The following IQGAP2 variants were observed in gnomAD, a reference collection of about 807,000 sequenced individuals.
IQGAP2 encodes the protein IQ motif containing GTPase activating protein 2.
In IQGAP2, 173 loss-of-function variants were observed where a neutral mutation model predicts 201.3. The ratio of observed to expected loss-of-function variants is 0.86; its 90% CI spans 0.76 to 0.98. The LOEUF is 0.98. IQGAP2 is among the 50% of genes least tolerant of loss of function. IQGAP2 has a pLI of 0.00. For synonymous variants in IQGAP2, 675 were observed against 673.9 expected (o/e 1.00, Z -0.03); for missense variants, 1,687 against 1,864.8 (o/e 0.90, Z 1.76).
In IQGAP2 at chr5:76,570,536, G is replaced by A. The variant is rs1361087060; in HGVS notation, c.304-44G>A. 14 of 1,344,894 alleles carry A rather than the reference G, an allele frequency of 1.0e-5. No individual in the cohort carries two copies. The Middle Eastern group carries it at 5.4e-4, about 52-fold the overall frequency. 83.3% of individuals were successfully genotyped at this position (1,344,894 alleles called of 1,614,324 possible). On this transcript the variant is annotated intron_variant, in intron 3 of 35. Coordinates refer to ENST00000274364, the MANE Select transcript of IQGAP2 (RefSeq NM_006633.5). Reference sequence around the variant, plus strand: ...AGTTATTGCAAATGACTCACTTTTTGTGTGGTTCCTTCTCTCCCTTTTTCC... The same window carrying A: ...AGTTATTGCAAATGACTCACTTTTTATGTGGTTCCTTCTCTCCCTTTTTCC...
At chr5:76,550,803 T>G (rs896521501) in intron 2 of IQGAP2, among the ~76,000 whole-genome samples, 1 of 152,166 alleles carries the variant, frequency 6.6e-6, no homozygotes, top group African/African-American at 2.4e-5. Context: ...TCCCCACATT[T>G]CCCCCTTTTC....
intron 1 of IQGAP2, among the ~76,000 whole-genome samples, chr5:76,437,514 T>G (rs1430459745): frequency 2.0e-5 from 3 of 152,194 alleles, no homozygotes; most frequent in Non-Finnish European, 4.4e-5. Context: ...CTATTTATCC[T>G]GATAAATAGC....
chr5:76,617,502 G>C, intron 13 of IQGAP2: 2 of 1,035,708 alleles, frequency 1.9e-6, no homozygotes, highest in South Asian at 3.2e-5. Context: ...CGGAAATGGA[G>C]CTCCTTGCAC....
rs76827257 is a variant in IQGAP2, at chr5:76,643,278, T to C, written c.2094+2175T>C. Among the ~76,000 whole-genome samples, 422 of 152,296 alleles carry C rather than the reference T, an allele frequency of 2.8e-3. 1 individual carries two copies. The highest frequency in any genetic ancestry group is 9.7e-3 in the African/African-American group (403 of 41,570). On this transcript the variant is annotated intron_variant, in intron 17 of 35. Coordinates refer to ENST00000274364, the MANE Select transcript of IQGAP2 (RefSeq NM_006633.5). ...GAAGAGAAATAATGATGTTATAGAA[T>C]GTAAATGAATTTATAACTGCAGAAT...
rs377569601 is a variant in IQGAP2 at position 76,654,240 on chromosome 5, A to G, written c.2219A>G (p.Tyr740Cys). Residue 740 changes from tyrosine (Y) to cysteine (C), a missense_variant, in exon 19 of 36, where the codon TAT becomes TGT. Transcript: ENST00000274364. ...WFRMATARKS[Y>C]LSRLQYFRDH... ...CGAATGGCAACTGCAAGAAAGAGCT[A>G]TCTTTCAAGACTACAGTATTTCAGA... The G allele has an allele frequency of 4.3e-6, 7 of 1,611,004 alleles. No individual in the cohort carries two copies. Among genetic ancestry groups the G allele is most frequent in the Non-Finnish European group, 5.9e-6 (7 of 1,178,402 alleles).
In IQGAP2 at chr5:76,683,228, G is replaced by A; in HGVS notation, c.3763+11G>A. ...TGGAATCTTTTCTTGGTAAGAGCTTGTTCCTTCTACTTATCCCTTGGTTTT... is the reference window on the plus strand; with the variant it reads ...TGGAATCTTTTCTTGGTAAGAGCTTATTCCTTCTACTTATCCCTTGGTTTT... On this transcript the variant is annotated intron_variant, in intron 29 of 35. Coordinates refer to ENST00000274364, the MANE Select transcript of IQGAP2 (RefSeq NM_006633.5). The A allele has an allele frequency of 6.3e-7, 1 of 1,593,200 alleles. No homozygotes were observed. Among genetic ancestry groups the A allele is most frequent in the Non-Finnish European group, 8.6e-7 (1 of 1,165,238 alleles).
At chr5:76,496,758 TTTCTTTCTTTC>T (rs1561416502) in intron 2 of IQGAP2, among the ~76,000 whole-genome samples, 11 of 69,982 alleles carry the variant, frequency 1.6e-4, no homozygotes, top group African/African-American at 4.0e-4. Flanking sequence ...TCTTTCTTTC[TTTCTTTCTTTC>T]TTTCTTTCTT....
chr5:76,471,011 A>C (rs1290053174), intron 2 of IQGAP2, among the ~76,000 whole-genome samples: 1 of 152,242 alleles, frequency 6.6e-6, no homozygotes, highest in Non-Finnish European at 1.5e-5. Context: ...TCTGCCTAAA[A>C]TTTATTCAAA....
chr5:76,489,543 C>A (rs746128312), intron 2 of IQGAP2, among the ~76,000 whole-genome samples: 5 of 152,104 alleles, frequency 3.3e-5, no homozygotes, highest in Non-Finnish European at 7.4e-5. Context: ...CTCATTGCAA[C>A]CTCCGCCTCC....
chr5:76,612,683 T>G (rs1748508811), intron 13 of IQGAP2, among the ~76,000 whole-genome samples: 1 of 124,944 alleles, frequency 8.0e-6, no homozygotes, highest in South Asian at 2.6e-4. Flanking sequence ...CTAAATGTTG[T>G]TAAGCAAAAA....
chr5:76,522,868 T>C (rs1365448725), intron 2 of IQGAP2, among the ~76,000 whole-genome samples: 1 of 152,176 alleles, frequency 6.6e-6, no homozygotes, highest in Non-Finnish European at 1.5e-5. Context: ...TTGGAATCGA[T>C]CTTTTTAAGT....
chr5:76,510,627 G>C, intron 2 of IQGAP2: 1 of 522,936 alleles, frequency 1.9e-6, no homozygotes, highest in Admixed American at 2.1e-5. Flanking sequence ...GAGGGGCCCA[G>C]GGAGGTGACT....
At chr5:76,548,754 A>C (rs1743252551) in intron 2 of IQGAP2, among the ~76,000 whole-genome samples, 1 of 152,178 alleles carries the variant, frequency 6.6e-6, no homozygotes, top group Admixed American at 6.5e-5. Flanking sequence ...GTGCTAAGTA[A>C]ATGTGAGCTG....
At chr5:76,456,405 A>C (rs1199991915) in intron 1 of IQGAP2, among the ~76,000 whole-genome samples, 1 of 152,236 alleles carries the variant, frequency 6.6e-6, no homozygotes, top group Non-Finnish European at 1.5e-5. Context: ...AAGATTAAGC[A>C]GTTGTGAAAT....
chr5:76,681,510 T>C lies in IQGAP2; in HGVS notation c.3661-1605T>C, dbSNP rs182695759. On this transcript the variant is annotated intron_variant, in intron 28 of 35. Transcript: ENST00000274364. ...GCAAGGAGATACCACTCACACCCAGTAGGATGATTAATATCAAAATTTAAA... is the reference window on the plus strand; with the variant it reads ...GCAAGGAGATACCACTCACACCCAGCAGGATGATTAATATCAAAATTTAAA... Among the ~76,000 whole-genome samples the C allele has an allele frequency of 3.5e-4, 53 of 150,214 alleles. 1 individual carries two copies. The highest frequency in any genetic ancestry group is 1.9e-3 in the Admixed American group (29 of 15,088).
chr5:76,700,941 A>T (rs938816503), intron 33 of IQGAP2, 135 bp from the exon 34 acceptor site: 3 of 818,210 alleles, frequency 3.7e-6, no homozygotes, highest in Admixed American at 6.0e-5. Context: ...TACTATCACA[A>T]AATAAAAAAG....
chr5:76,469,344 A>G (rs377146568), intron 2 of IQGAP2, among the ~76,000 whole-genome samples: 5 of 152,328 alleles, frequency 3.3e-5, no homozygotes, highest in African/African-American at 9.6e-5. Flanking sequence ...ATTATTGCTC[A>G]AACTTTATAA....
chr5:76,519,011 C>T, intron 2 of IQGAP2, among the ~76,000 whole-genome samples: 1 of 152,114 alleles, frequency 6.6e-6, no homozygotes, highest in East Asian at 1.9e-4. Context: ...AATGAGTCTA[C>T]CATCCTAACA....
chr5:76,585,567 G>A lies in IQGAP2; in HGVS notation c.459-3339G>A, dbSNP rs553970012. On this transcript the variant is annotated intron_variant, in intron 5 of 35. Transcript: ENST00000274364. ...TCACTCTTGCTGCCCAGGCTGGAAT[G>A]CAATGGTGCAAATTCAGCTCACCAC... 1.8e-3 allele frequency among the ~76,000 whole-genome samples: 272 copies of A among 149,966 alleles called. 1 individual carries two copies. The highest frequency in any genetic ancestry group is 6.5e-3 in the African/African-American group (263 of 40,618).
Sources: gnomAD v4.1 joint callset for allele counts (sites outside exome capture counted in the v4.1 genomes callset) on GRCh38, gnomAD v4.1.1 for gene constraint, MANE v1.5 for transcripts, NCBI Gene and HGNC (gene_info 2026-07-23, HGNC 2026-07-21) for gene names.